NME7: variants seen among roughly 807,000 people sequenced by gnomAD.
NME7 encodes the protein NME/NM23 family member 7.
A neutral mutation model predicts 49.1 loss-of-function variants in NME7; 41 were observed. The ratio of observed to expected loss-of-function variants is 0.83; its 90% CI spans 0.65 to 1.08. The LOEUF (loss-of-function observed/expected upper bound fraction) is 1.08, where lower values mean the gene tolerates loss of function less well. NME7 is among the 50% of genes least tolerant of loss of function. The pLI, the probability that NME7 is intolerant of heterozygous loss-of-function variation, is 0.00. For missense variants in NME7, 423 were observed against 463.4 expected (o/e 0.91, Z 0.80); for synonymous variants, 139 against 150.6 (o/e 0.92, Z 0.56).
intron 10 of NME7, among the ~76,000 whole-genome samples, chr1:169,218,404 G>A (rs1661036298): frequency 6.6e-6 from 1 of 151,944 alleles, no homozygotes; most frequent in Non-Finnish European, 1.5e-5. Flanking sequence ...TGGGCAACAT[G>A]GTGGTACCTC....
chr1:169,366,449 G>A (rs1653856564), intron 1 of NME7, among the ~76,000 whole-genome samples: 2 of 152,200 alleles, frequency 1.3e-5, no homozygotes, highest in Admixed American at 1.3e-4. Context: ...AACACAGGAT[G>A]GAGGACATGG....
At chr1:169,315,799 T>C (rs1286192479) in intron 3 of NME7, among the ~76,000 whole-genome samples, 2 of 152,140 alleles carry the variant, frequency 1.3e-5, no homozygotes, top group African/African-American at 2.4e-5. Flanking sequence ...GTAAAAAATG[T>C]TTCAAACTGA....
chr1:169,156,477 T>C (rs1322485806), intron 11 of NME7, among the ~76,000 whole-genome samples: 3 of 152,212 alleles, frequency 2.0e-5, no homozygotes, highest in Non-Finnish European at 4.4e-5. Context: ...TTGTGTCTAT[T>C]TATTTTATAT....
chr1:169,315,260 C>T (rs983219619), intron 3 of NME7, among the ~76,000 whole-genome samples: 1 of 143,244 alleles, frequency 7.0e-6, no homozygotes, highest in Admixed American at 7.1e-5. Flanking sequence ...TTCTTTCTTT[C>T]TTTTTTTTTT....
chr1:169,341,086 C>T (rs543793463), intron 1 of NME7, among the ~76,000 whole-genome samples: 16 of 152,288 alleles, frequency 1.1e-4, no homozygotes, highest in Middle Eastern at 6.8e-3. Flanking sequence ...GCCTCCAGGC[C>T]GTGTCAGAGA....
chr1:169,367,618 G>C (rs371890471), intron 1 of NME7, 90 bp downstream of exon 1: 54 of 1,477,254 alleles, frequency 3.7e-5, no homozygotes, highest in Admixed American at 1.7e-4. Flanking sequence ...GGGAGGACCG[G>C]ACAACTTTAA....
At chr1:169,361,409 A>G (rs777956640) in intron 1 of NME7, among the ~76,000 whole-genome samples, 5 of 152,236 alleles carry the variant, frequency 3.3e-5, no homozygotes, top group Non-Finnish European at 5.9e-5. Flanking sequence ...TTTTGTAAAT[A>G]AAATCCTGTG....
intron 5 of NME7, among the ~76,000 whole-genome samples, chr1:169,300,107 A>G (rs1438463515): frequency 6.6e-6 from 1 of 152,178 alleles, no homozygotes; most frequent in Non-Finnish European, 1.5e-5. Context: ...TGAAAATTTA[A>G]TTACTTCACC....
At chr1:169,284,900 T>A (rs1186709236) in intron 7 of NME7, 1 of 152,152 alleles carries the variant, frequency 6.6e-6, no homozygotes, top group Admixed American at 6.5e-5. Context: ...TTGCAACATA[T>A]TTTTCCTTGA....
intron 10 of NME7, among the ~76,000 whole-genome samples, chr1:169,178,280 TC>T (rs1659819071): frequency 1.3e-5 from 2 of 152,108 alleles, no homozygotes; most frequent in African/African-American, 2.4e-5. Context: ...AAAACTACAT[TC>T]CCCAGACACA....
chr1:169,290,665 C>G (rs12124064), intron 6 of NME7, among the ~76,000 whole-genome samples: 6 of 151,778 alleles, frequency 4.0e-5, no homozygotes, highest in Admixed American at 2.0e-4. Flanking sequence ...TTGACAAATG[C>G]GATCTAATTA....
intron 1 of NME7, among the ~76,000 whole-genome samples, chr1:169,366,664 C>A (rs2101996790): frequency 6.6e-6 from 1 of 152,194 alleles, no homozygotes; most frequent in Admixed American, 6.5e-5. Context: ...ACTAAAGGCT[C>A]GGCAAAAATA....
intron 11 of NME7, among the ~76,000 whole-genome samples, chr1:169,134,693 T>C (rs1047035477): frequency 4.6e-5 from 7 of 152,174 alleles, no homozygotes; most frequent in African/African-American, 1.7e-4. Context: ...TGGTTTTCAT[T>C]GTATTTTATT....
At chr1:169,243,466 A>G (rs1009883699) in intron 7 of NME7, among the ~76,000 whole-genome samples, 1 of 152,182 alleles carries the variant, frequency 6.6e-6, no homozygotes, top group African/African-American at 2.4e-5. Context: ...TAATCCTCAC[A>G]ACGCTGCTAT....
intron 3 of NME7, among the ~76,000 whole-genome samples, chr1:169,318,151 T>G (rs1184694955): frequency 3.3e-5 from 5 of 152,194 alleles, no homozygotes; most frequent in Non-Finnish European, 7.3e-5. Context: ...AGATCCAACT[T>G]TTCCTCAGGC....
At chr1:169,304,988 G>A (rs1408680739) in intron 4 of NME7, among the ~76,000 whole-genome samples, 1 of 152,012 alleles carries the variant, frequency 6.6e-6, no homozygotes, top group Non-Finnish European at 1.5e-5. Flanking sequence ...CTTTTCAAAC[G>A]CAAAAAACTG....
chr1:169,293,780 A>G (rs923463192), intron 6 of NME7, among the ~76,000 whole-genome samples: 4 of 152,158 alleles, frequency 2.6e-5, no homozygotes, highest in African/African-American at 4.8e-5. Flanking sequence ...GAAAGAACTG[A>G]TATCTTCAGG....
At chr1:169,297,875 A>G (rs1650772409) in intron 6 of NME7, among the ~76,000 whole-genome samples, 1 of 152,346 alleles carries the variant, frequency 6.6e-6, no homozygotes, top group Non-Finnish European at 1.5e-5. Flanking sequence ...GACCACAATG[A>G]TCAGATTCAG....
At chr1:169,229,141 A>G (rs1647480516) in intron 10 of NME7, among the ~76,000 whole-genome samples, 1 of 152,232 alleles carries the variant, frequency 6.6e-6, no homozygotes, top group African/African-American at 2.4e-5. Context: ...ATTCAAATTA[A>G]ATAGAATTAC....
Sources: gnomAD v4.1 joint callset for allele counts (sites outside exome capture counted in the v4.1 genomes callset) on GRCh38, gnomAD v4.1.1 for gene constraint, MANE v1.5 for transcripts, NCBI Gene and HGNC (gene_info 2026-07-23, HGNC 2026-07-21) for gene names.